The following PTPN20 variants were observed in gnomAD, a reference collection of about 807,000 sequenced individuals.
PTPN20 encodes tyrosine-protein phosphatase non-receptor type 20.
A neutral mutation model predicts 35.0 loss-of-function variants in PTPN20; 9 were observed. That is an observed-to-expected ratio of 0.26 (90% CI 0.15 to 0.45). The LOEUF (loss-of-function observed/expected upper bound fraction) is 0.45. PTPN20 is among the 20% of genes least tolerant of loss of function. The probability of loss-of-function intolerance (pLI) is 1.00; values close to 1 mark genes in which losing one functional copy is unlikely to be tolerated. For synonymous variants in PTPN20, 32 were observed against 100.2 expected, an observed-to-expected ratio of 0.32 and a Z score of 4.06; for missense variants, 111 against 312.5, an observed-to-expected ratio of 0.36 and a Z score of 4.86.
At chr10:46,937,567 C>T (rs2042054752) in intron 2 of PTPN20, among the ~76,000 whole-genome samples, 2 of 150,170 alleles carry the variant, frequency 1.3e-5, no homozygotes, top group South Asian at 2.1e-4. Flanking sequence ...TTTGGATATA[C>T]TCTTGCTGTA....
chr10:46,993,455 G>A (rs946731), intron 9 of PTPN20, among the ~76,000 whole-genome samples: 18,959 of 152,188 alleles, frequency 0.12, 1,945 homozygotes, highest in African/African-American at 0.29. Flanking sequence ...CAGTAGGTCA[G>A]GGGTGTGAGA....
At chr10:46,920,261 A>G (rs2034612118) in intron 1 of PTPN20, among the ~76,000 whole-genome samples, 1 of 90,914 alleles carries the variant, frequency 1.1e-5, no homozygotes, top group Non-Finnish European at 2.1e-5. Flanking sequence ...TTTTATCTTT[A>G]TATAGATAGA....
At chr10:46,957,657 A>G (rs1409782070) in intron 5 of PTPN20, among the ~76,000 whole-genome samples, 1 of 150,638 alleles carries the variant, frequency 6.6e-6, no homozygotes, top group African/African-American at 2.5e-5. Context: ...CAGGAGAGTC[A>G]CTTGAACCCA....
chr10:46,995,333 C>CTTTTTTTTTTTTTTT (rs878968027), intron 9 of PTPN20, among the ~76,000 whole-genome samples: 12 of 85,676 alleles, frequency 1.4e-4, no homozygotes, highest in East Asian at 3.5e-4. Context: ...TTTTTTTTTT[C>CTTTTTTTTTTTTTTT]TTTTTTTTTT....
chr10:46,992,545 A>C (rs2058192336), intron 9 of PTPN20, among the ~76,000 whole-genome samples: 1 of 152,068 alleles, frequency 6.6e-6, no homozygotes, highest in African/African-American at 2.4e-5. Flanking sequence ...GTATTATGAA[A>C]TTTCTGTAGT....
downstream of PTPN20, chr10:47,002,407 T>C (rs1419361140): frequency 6.6e-6 from 1 of 152,044 alleles, no homozygotes; most frequent in Non-Finnish European, 1.5e-5. Flanking sequence ...AACATGTCTC[T>C]TCTTTAATGT....
chr10:46,991,855 A>G (rs2058028955), intron 9 of PTPN20, among the ~76,000 whole-genome samples: 1 of 151,806 alleles, frequency 6.6e-6, no homozygotes, highest in Non-Finnish European at 1.5e-5. Flanking sequence ...TGCCTTTAAG[A>G]TTTTTTCTTT....
chr10:46,955,005 G>A (rs1326689020), intron 5 of PTPN20: 2 of 151,442 alleles, frequency 1.3e-5, no homozygotes, highest in African/African-American at 2.5e-5. Flanking sequence ...TGTTGTATTA[G>A]GTATTATAAG....
intron 9 of PTPN20, among the ~76,000 whole-genome samples, chr10:46,992,769 ATT>A (rs1247023553): frequency 2.6e-5 from 4 of 152,304 alleles, no homozygotes; most frequent in African/African-American, 9.6e-5. Context: ...AGCTAGTACA[ATT>A]GTTTGGAGAT....
At chr10:46,955,016 T>C (rs1337382254) in intron 5 of PTPN20, 26 of 151,480 alleles carry the variant, frequency 1.7e-4, no homozygotes, top group Non-Finnish European at 3.2e-4. Context: ...GTATTATAAG[T>C]AATCTAGATA....
At chr10:46,983,619 A>G (rs1379415549) in intron 7 of PTPN20, among the ~76,000 whole-genome samples, 1 of 83,176 alleles carries the variant, frequency 1.2e-5, no homozygotes, top group East Asian at 4.0e-4. Flanking sequence ...ACTTGGAGCA[A>G]TTTCCCTTGG....
chr10:46,920,571 A>C lies in PTPN20; in HGVS notation c.-124+9070A>C, dbSNP rs1201084211. Among the ~76,000 whole-genome samples, 4 of 147,120 alleles carry C rather than the reference A, an allele frequency of 2.7e-5. No homozygotes were observed. The East Asian group carries it at 7.9e-4, about 29-fold the overall frequency. On this transcript the variant is annotated intron_variant, in intron 1 of 10. Coordinates refer to ENST00000374339, the MANE Select transcript of PTPN20 (RefSeq NM_001042357.5). ...TGCTGGGGGCAGGGTTCAGGGGATGAAGCTCCCCAGAGTTTCTATGTTTTG... is the reference window on the plus strand; with the variant it reads ...TGCTGGGGGCAGGGTTCAGGGGATGCAGCTCCCCAGAGTTTCTATGTTTTG...
intron 1 of PTPN20, among the ~76,000 whole-genome samples, chr10:46,920,395 A>ACAGAAATGTGTTCTTGGG (rs2034675768): frequency 7.3e-6 from 1 of 136,996 alleles, no homozygotes; most frequent in Non-Finnish European, 1.5e-5. Flanking sequence ...AAACTTATGG[A>ACAGAAATGTGTTCTTGGG]CAGAAATGTG....
chr10:46,938,185 G>A (rs1284031168), intron 2 of PTPN20, among the ~76,000 whole-genome samples: 2 of 148,624 alleles, frequency 1.3e-5, no homozygotes, highest in East Asian at 2.0e-4. Context: ...TCCTGACCTC[G>A]TGATCCACCC....
chr10:46,992,653 G>A (rs1290389662), intron 9 of PTPN20, among the ~76,000 whole-genome samples: 1 of 152,052 alleles, frequency 6.6e-6, no homozygotes, highest in African/African-American at 2.4e-5. Context: ...CTTGGATTAG[G>A]TTTCAGCTGT....
rs1467033849 is a variant in PTPN20 at position 46,939,956 on chromosome 10, A to C, written c.35-667A>C. Among the ~76,000 whole-genome samples, 218 of 152,286 alleles carry C rather than the reference A, an allele frequency of 1.4e-3. 1 individual carries two copies. Among genetic ancestry groups the C allele is most frequent in the African/African-American group, 4.9e-3 (205 of 41,554 alleles). On this transcript the variant is annotated intron_variant, in intron 2 of 10. Transcript: ENST00000374339. ...AATATGCCATGCCATAGAATTTCTAAATCATAATATTTAAGGCTCCCATGG... is the reference window on the plus strand; with the variant it reads ...AATATGCCATGCCATAGAATTTCTACATCATAATATTTAAGGCTCCCATGG...
intron 5 of PTPN20, among the ~76,000 whole-genome samples, chr10:46,954,885 C>T (rs2047994126): frequency 6.6e-6 from 1 of 151,366 alleles, no homozygotes; most frequent in Admixed American, 6.6e-5. Context: ...GATTCTGCAT[C>T]TACAAATTCA....
chr10:46,946,997 T>C (rs1261842853), intron 5 of PTPN20, among the ~76,000 whole-genome samples: 19 of 150,710 alleles, frequency 1.3e-4, no homozygotes, highest in Middle Eastern at 6.8e-3. Context: ...TTTTTAAAAA[T>C]TTGTTGCACA....
intron 7 of PTPN20, among the ~76,000 whole-genome samples, chr10:46,982,778 C>A (rs1298048983): frequency 1.3e-5 from 2 of 151,612 alleles, no homozygotes; most frequent in Non-Finnish European, 2.9e-5. Context: ...ACTTGCCAGG[C>A]TTATTATTAT....
Sources: allele counts gnomAD v4.1 joint callset (sites outside exome capture counted in the v4.1 genomes callset), GRCh38; gene constraint gnomAD v4.1.1; transcripts MANE v1.5; gene names NCBI Gene and HGNC (gene_info 2026-07-23, HGNC 2026-07-21).